PAPPA2: variants seen among roughly 807,000 people sequenced by gnomAD.
PAPPA2 encodes the protein pappalysin 2.
A neutral mutation model predicts 176.4 loss-of-function variants in PAPPA2; 86 were observed. The ratio of observed to expected loss-of-function variants is 0.49; its 90% confidence interval spans 0.41 to 0.58. The LOEUF (loss-of-function observed/expected upper bound fraction) is 0.58, where lower values mean the gene tolerates loss of function less well. Ranked by LOEUF, PAPPA2 falls within the 20% of genes least tolerant of loss-of-function variation. The pLI is 0.00. For synonymous variants in PAPPA2, 809 were observed against 852.2 expected (o/e 0.95, Z 0.88); for missense variants, 2,073 against 2,256.9 (o/e 0.92, Z 1.65).
intron 14 of PAPPA2, among the ~76,000 whole-genome samples, chr1:176,742,150 T>C (rs958684166): frequency 6.6e-6 from 1 of 152,256 alleles, no homozygotes; most frequent in African/African-American, 2.4e-5. Flanking sequence ...CTTGTTGTTC[T>C]TTCTCATTAA....
intron 1 of PAPPA2, among the ~76,000 whole-genome samples, chr1:176,501,382 CA>C (rs974871675): frequency 2.0e-5 from 3 of 152,104 alleles, no homozygotes; most frequent in Non-Finnish European, 2.9e-5. Flanking sequence ...GTTATTACTA[CA>C]AAATTGATCT....
intron 4 of PAPPA2, among the ~76,000 whole-genome samples, chr1:176,683,374 G>A (rs1198356101): frequency 1.3e-5 from 2 of 152,088 alleles, no homozygotes; most frequent in African/African-American, 2.4e-5. Context: ...GCCCCCAGTT[G>A]CTAAATCCTG....
At chr1:176,670,943 C>T in intron 3 of PAPPA2, 27 bp from the exon 4 acceptor site, 2 of 1,612,622 alleles carry the variant, frequency 1.2e-6, no homozygotes, top group Non-Finnish European at 1.7e-6. Context: ...TTTGCTGTGA[C>T]ATTTTTTCAT....
At chr1:176,654,542 T>G (rs573262155) in intron 3 of PAPPA2, among the ~76,000 whole-genome samples, 4 of 150,874 alleles carry the variant, frequency 2.7e-5, no homozygotes, top group Non-Finnish European at 5.9e-5. Context: ...ATTTTTTTTT[T>G]CTTAGGACTG....
rs1661074821 is a variant in PAPPA2 at position 176,710,075 on chromosome 1, C to T, written c.3550C>T (p.Pro1184Ser). The change falls in exon 11 of 23, where the codon CCC (proline) becomes TCC (serine). Residue 1184 changes from proline to serine, a missense_variant. Coordinates refer to ENST00000367662, the MANE Select transcript of PAPPA2 (RefSeq NM_020318.3). ...CATTGTAGACTGTGGCATCTACACTCCCAAAGGATACTTGGATCAATGGGC... is the reference window on the plus strand; with the variant it reads ...CATTGTAGACTGTGGCATCTACACTTCCAAAGGATACTTGGATCAATGGGC... ...TSIVDCGIYT[P>S]KGYLDQWATR... 1 of 1,613,772 alleles carries T rather than the reference C, an allele frequency of 6.2e-7. No individual in the cohort carries two copies. Among genetic ancestry groups the T allele is most frequent in the Non-Finnish European group, 8.5e-7 (1 of 1,179,760 alleles).
chr1:176,777,095 G>A (rs987965243), intron 17 of PAPPA2, among the ~76,000 whole-genome samples: 1 of 152,016 alleles, frequency 6.6e-6, no homozygotes, highest in African/African-American at 2.4e-5. Flanking sequence ...GTAAAATAAA[G>A]GGAAATAATT....
At chr1:176,582,760 T>C (rs987259391) in intron 2 of PAPPA2, among the ~76,000 whole-genome samples, 1 of 151,878 alleles carries the variant, frequency 6.6e-6, no homozygotes, top group Non-Finnish European at 1.5e-5. Flanking sequence ...ATTAGGGTTA[T>C]GCTGGCCTAG....
chr1:176,818,933 T>A (rs375041001), intron 21 of PAPPA2, among the ~76,000 whole-genome samples: 36 of 152,350 alleles, frequency 2.4e-4, no homozygotes, highest in African/African-American at 8.2e-4. Flanking sequence ...TCCCTTATAC[T>A]GGCCCTATTA....
chr1:176,501,285 T>C (rs577043363), intron 1 of PAPPA2, among the ~76,000 whole-genome samples: 7 of 152,214 alleles, frequency 4.6e-5, no homozygotes, highest in African/African-American at 1.4e-4. Flanking sequence ...CCCTATTTTT[T>C]AGTTATCACG....
chr1:176,750,194 C>T (rs1159457258), intron 14 of PAPPA2, among the ~76,000 whole-genome samples: 1 of 151,930 alleles, frequency 6.6e-6, no homozygotes, highest in Non-Finnish European at 1.5e-5. Context: ...AGCCTGTACT[C>T]TTGAACATGT....
chr1:176,804,902 A>G (rs866401922), intron 21 of PAPPA2, among the ~76,000 whole-genome samples: 3 of 151,750 alleles, frequency 2.0e-5, no homozygotes, highest in Middle Eastern at 6.8e-3. Context: ...TGCTTGTCCA[A>G]TAAAGTGTAC....
chr1:176,711,141 G>GA (rs1661124572), intron 11 of PAPPA2, among the ~76,000 whole-genome samples: 1 of 152,144 alleles, frequency 6.6e-6, no homozygotes, highest in African/African-American at 2.4e-5. Context: ...CTAAGGAGAT[G>GA]AACATTTATA....
chr1:176,529,860 G>GT (rs1234147172), intron 1 of PAPPA2, among the ~76,000 whole-genome samples: 2 of 151,962 alleles, frequency 1.3e-5, no homozygotes, highest in East Asian at 1.9e-4. Context: ...TTGAGGCCAA[G>GT]TTTTTTTCCC....
chr1:176,779,078 A>T (rs1441214007), intron 17 of PAPPA2, among the ~76,000 whole-genome samples: 1 of 152,182 alleles, frequency 6.6e-6, no homozygotes, highest in African/African-American at 2.4e-5. Context: ...AAATTTCCCT[A>T]TTAACTTCAA....
chr1:176,769,499 C>T (rs879084915), intron 15 of PAPPA2, 108 bp from the exon 16 acceptor site: 28 of 1,196,094 alleles, frequency 2.3e-5, no homozygotes, highest in South Asian at 1.1e-4. Context: ...TAATTTGTCC[C>T]GTTTTAAATG....
intron 3 of PAPPA2, among the ~76,000 whole-genome samples, chr1:176,643,312 T>G (rs148498478): frequency 6.6e-6 from 1 of 151,816 alleles, no homozygotes; most frequent in Non-Finnish European, 1.5e-5. Context: ...CATAACTTAG[T>G]GTAGAAAAGA....
chr1:176,544,152 C>T (rs1416371507), intron 1 of PAPPA2, among the ~76,000 whole-genome samples: 1 of 152,206 alleles, frequency 6.6e-6, no homozygotes, highest in South Asian at 2.1e-4. Flanking sequence ...AGACCTCAAT[C>T]TTGATGTCAG....
intron 1 of PAPPA2, among the ~76,000 whole-genome samples, chr1:176,528,519 T>C (rs1407557683): frequency 6.6e-6 from 1 of 152,188 alleles, no homozygotes; most frequent in Non-Finnish European, 1.5e-5. Flanking sequence ...GGCCCAAATG[T>C]TGGTTTCTTT....
chr1:176,616,621 G>C (rs538839486), intron 3 of PAPPA2: 1 of 1,569,402 alleles, frequency 6.4e-7, no homozygotes, highest in South Asian at 1.1e-5. Context: ...TTCTCCACAA[G>C]AGTAGTGTCA....
Sources: gnomAD v4.1 joint callset for allele counts (sites outside exome capture counted in the v4.1 genomes callset) on GRCh38, gnomAD v4.1.1 for gene constraint, MANE v1.5 for transcripts, NCBI Gene and HGNC (gene_info 2026-07-23, HGNC 2026-07-21) for gene names.